Variants in APOC3 observed in about 807,000 individuals in gnomAD.
APOC3 encodes apolipoprotein C-III.
In APOC3, 6 loss-of-function variants were observed where a neutral mutation model predicts 7.3. The observed-to-expected ratio is 0.82, with a 90% confidence interval of 0.45 to 1.61. The LOEUF (loss-of-function observed/expected upper bound fraction) is 1.61, where lower values mean the gene tolerates loss of function less well. Among genes scored for constraint, APOC3 ranks in the 40% most tolerant of loss-of-function variants. The pLI is 0.01. For missense variants in APOC3, 123 were observed against 124.9 expected (o/e 0.98, Z 0.07); for synonymous variants, 45 against 51.2 (o/e 0.88, Z 0.52).
intron 3 of APOC3, chr11:116,831,250 T>TTTCTTTCC (rs1565336534): frequency 7.2e-6 from 1 of 139,170 alleles, no homozygotes; most frequent in Admixed American, 9.2e-5. Context: ...TCTTTCTTTC[T>TTTCTTTCC]TTCTTTCCTT....
chr11:116,832,107 C>A (rs1296206728), intron 3 of APOC3, among the ~76,000 whole-genome samples: 1 of 152,160 alleles, frequency 6.6e-6, no homozygotes, highest in African/African-American at 2.4e-5. Context: ...AGACCTGGGG[C>A]CAGTGTGAGC....
At chr11:116,831,433 C>T (rs1487614581) in intron 3 of APOC3, among the ~76,000 whole-genome samples, 11 of 150,516 alleles carry the variant, frequency 7.3e-5, no homozygotes, top group African/African-American at 2.0e-4. Flanking sequence ...GGTGCCATCT[C>T]GGCTCACTGC....
chr11:116,830,516 G>A (rs1034877280), intron 1 of APOC3, 54 bp from the exon 2 acceptor site: 2 of 1,593,092 alleles, frequency 1.3e-6, no homozygotes, highest in Non-Finnish European at 1.7e-6. Flanking sequence ...TCCCCAGGGA[G>A]GGGTCCAGAG....
intron 3 of APOC3, among the ~76,000 whole-genome samples, chr11:116,832,031 A>G (rs2134226505): frequency 6.6e-6 from 1 of 152,290 alleles, no homozygotes; most frequent in East Asian, 1.9e-4. Context: ...CCCCTGGGCT[A>G]GGGGTTTGCC....
intron 3 of APOC3, among the ~76,000 whole-genome samples, chr11:116,832,531 C>A (rs1565336953): frequency 6.6e-6 from 1 of 152,336 alleles, no homozygotes; most frequent in African/African-American, 2.4e-5. Flanking sequence ...TCTGAGGTGA[C>A]CTGGAGATGG....
Position 116,830,641 on chromosome 11 carries a change from A to G in APOC3, c.55+4A>G. On this transcript the variant is annotated splice_donor_region_variant and intron_variant, in intron 2 of 3. Transcript: ENST00000227667. Reference sequence around the variant, plus strand: ...CTGGCGCTCCTGGCCTCTGCCCGTAAGCACTTGGTGGGACTGGGCTGGGGG... The same window carrying G: ...CTGGCGCTCCTGGCCTCTGCCCGTAGGCACTTGGTGGGACTGGGCTGGGGG... 6.2e-7 allele frequency: 1 copy of G among 1,613,808 alleles called. No homozygotes were observed. Among genetic ancestry groups the G allele is most frequent in the Non-Finnish European group, 8.5e-7 (1 of 1,179,958 alleles).
chr11:116,831,374 C>CTT (rs796775531), intron 3 of APOC3, among the ~76,000 whole-genome samples: 1 of 118,000 alleles, frequency 8.5e-6, no homozygotes, highest in Non-Finnish European at 1.9e-5. Flanking sequence ...CTTTCTTCTT[C>CTT]TTTTTTTTTT....
In APOC3 at chr11:116,832,757, G is replaced by A. The variant is rs752729869; in HGVS notation, c.180-7G>A. 8.1e-6 allele frequency: 13 copies of A among 1,614,012 alleles called. No homozygotes were observed. Among genetic ancestry groups the A allele is most frequent in the Middle Eastern group, 1.6e-4 (1 of 6,080 alleles). ...CCCTGCTCTGTTGCTTCCCCTGACTGATTTAGGGGCTGGGTGACCGATGGC... is the reference window on the plus strand; with the variant it reads ...CCCTGCTCTGTTGCTTCCCCTGACTAATTTAGGGGCTGGGTGACCGATGGC... On this transcript the variant is annotated splice_polypyrimidine_tract_variant and splice_region_variant and intron_variant, in intron 3 of 3. Transcript: ENST00000227667.
rs1455467781 is a variant in APOC3, at chr11:116,830,873, G to C, written c.156G>C (p.Glu52Asp). ...AGGATGCACTGAGCAGCGTGCAGGA[G>C]TCCCAGGTGGCCCAGCAGGCCAGGT... is the stretch of plus-strand genomic sequence containing the variant. ...TAKDALSSVQ[E>D]SQVAQQARGW... Residue 52 changes from glutamate (E) to aspartate (D), a missense_variant, in exon 3 of 4, where the codon GAG becomes GAC. By Grantham distance (45) the Glu-to-Asp change is conservative. Transcript: ENST00000227667. The C allele has an allele frequency of 2.5e-6, 4 of 1,612,924 alleles. No homozygotes were observed. In the South Asian group the frequency reaches 4.4e-5, roughly 18 times the overall value.
chr11:116,831,913 C>CGGA (rs1941466938), intron 3 of APOC3, among the ~76,000 whole-genome samples: 1 of 152,196 alleles, frequency 6.6e-6, no homozygotes, highest in South Asian at 2.1e-4. Context: ...TGACAGGAGG[C>CGGA]GGAGCTCAGG....
At chr11:116,831,251 TTCTTTC>T (rs1196809557) in intron 3 of APOC3, among the ~76,000 whole-genome samples, 3 of 93,180 alleles carry the variant, frequency 3.2e-5, no homozygotes, top group African/African-American at 1.6e-4. Flanking sequence ...CTTTCTTTCT[TTCTTTC>T]CTTTCTTTCT....
chr11:116,830,549 T>G, intron 1 of APOC3, 21 bp from the exon 2 acceptor site: 1 of 1,613,654 alleles, frequency 6.2e-7, no homozygotes, highest in East Asian at 2.2e-5. Flanking sequence ...GGGGTGCCCC[T>G]CACAGGACAC....
chr11:116,831,321 T>C (rs1045259948), intron 3 of APOC3, among the ~76,000 whole-genome samples: 2 of 149,860 alleles, frequency 1.3e-5, no homozygotes. Context: ...CTTTCTTTCT[T>C]TCTTTCCTTT....
Position 116,832,883 on chromosome 11 carries a change from G to T in APOC3, c.299G>T (p.Ter100LeuextTer55), listed in dbSNP as rs756176987. ...EVRPTSAVAA[*>L] ...AGACCAACTTCAGCCGTGGCTGCCT[G>T]AGACCTCAATACCCCAAGTCCACCT... is the stretch of plus-strand genomic sequence containing the variant. Residue 100 changes from the stop codon to leucine, a stop_lost, in exon 4 of 4, where the codon TGA (stop) becomes TTA (leucine). Transcript: ENST00000227667. 1 of 1,613,616 alleles carries T rather than the reference G, an allele frequency of 6.2e-7. No individual in the cohort carries two copies. Among genetic ancestry groups the T allele is most frequent in the African/African-American group, 1.3e-5 (1 of 74,914 alleles).
At chr11:116,831,774 T>TG (rs1219107021) in intron 3 of APOC3, among the ~76,000 whole-genome samples, 2 of 152,192 alleles carry the variant, frequency 1.3e-5, no homozygotes, top group African/African-American at 4.8e-5. Flanking sequence ...GGGATGGTTT[T>TG]GGGATGAAGC....
intron 3 of APOC3, among the ~76,000 whole-genome samples, chr11:116,831,262 CTTTCTTTCCTTTCTTTCTTTCCT>C (rs1941453756): frequency 1.6e-4 from 7 of 43,282 alleles, no homozygotes; most frequent in Non-Finnish European, 2.4e-4. Context: ...TCTTTCCTTT[CTTTCTTTCCTTTCTTTCTTTCCT>C]TTCTTTCTTT....
At chr11:116,831,264 TTCTTTC>T (rs1194448841) in intron 3 of APOC3, among the ~76,000 whole-genome samples, 2,616 of 51,766 alleles carry the variant, frequency 0.051, 221 homozygotes, top group African/African-American at 0.13. Flanking sequence ...TTTCCTTTCT[TTCTTTC>T]CTTTCTTTCT....
chr11:116,833,023 C>G lies in APOC3; in HGVS notation c.*139C>G, dbSNP rs187628630. ...CCTACCCCACCTCATGCCTGGCCCC[C>G]CTCCAGGCATGCTGGCCTCCCAATA... On this transcript the variant is annotated 3_prime_UTR_variant, in exon 4 of 4. Transcript: ENST00000227667. The G allele has an allele frequency of 5.7e-3, 6,892 of 1,212,170 alleles. 37 individuals carry two copies. Among genetic ancestry groups the G allele is most frequent in the Middle Eastern group, 0.015 (57 of 3,712 alleles). The allele number at this position is 1,212,170 out of a possible 1,614,324, so 75.1% of individuals were successfully genotyped here. A position where few individuals can be genotyped will look rare whatever the true frequency, so the allele number is the denominator to read the frequency against.
chr11:116,830,433 G>GT (rs1352792911), intron 1 of APOC3, 137 bp from the exon 2 acceptor site: 7 of 863,638 alleles, frequency 8.1e-6, no homozygotes, highest in Non-Finnish European at 5.6e-6. Flanking sequence ...CTGAGAGCCC[G>GT]TATTAGCAGG....
Sources: gnomAD v4.1 joint callset for allele counts (sites outside exome capture counted in the v4.1 genomes callset) on GRCh38, gnomAD v4.1.1 for gene constraint, MANE v1.5 for transcripts, NCBI Gene and HGNC (gene_info 2026-07-23, HGNC 2026-07-21) for gene names.